MAST2: variants seen among roughly 807,000 people sequenced by gnomAD.
The protein encoded by MAST2 is microtubule associated serine/threonine kinase 2.
In MAST2, 70 loss-of-function variants were observed where a neutral mutation model predicts 147.4. The observed-to-expected ratio is 0.47, with a 90% confidence interval of 0.39 to 0.58. The LOEUF is 0.58. MAST2 is among the 20% of genes least tolerant of loss of function. MAST2 has a pLI of 0.00. For synonymous variants in MAST2, 869 were observed against 896.8 expected (o/e 0.97, Z 0.55); for missense variants, 2,080 against 2,302.3 (o/e 0.90, Z 1.98).
chr1:46,034,443 C>T, intron 28 of MAST2, 95 bp from the exon 29 acceptor site: 1 of 1,382,956 alleles, frequency 7.2e-7, no homozygotes, highest in Non-Finnish European at 9.9e-7. Context: ...GTTTCTGGGA[C>T]ATAACAGGGC....
At position 45,888,663 on chromosome 1, in the gene MAST2, C is replaced by CTTTTT. The variant is rs71587722; in HGVS notation, c.500+6300_500+6304dup. Among the ~76,000 whole-genome samples the CTTTTT allele has an allele frequency of 4.9e-4, 24 of 48,718 alleles. 1 individual carries two copies. Among genetic ancestry groups the CTTTTT allele is most frequent in the East Asian group, 1.8e-3 (3 of 1,708 alleles). 32.0% of individuals were successfully genotyped at this position (48,718 alleles called of 152,430 possible). ...AGGCGTGAGCCACCGCGCGCGGCCT[C>CTTTTT]TTTTTTTTTTTTTTTTTTTTTTTTT... On this transcript the variant is annotated intron_variant, in intron 4 of 28. Transcript: ENST00000361297.
chr1:45,908,673 T>G (rs1651169447), intron 4 of MAST2, among the ~76,000 whole-genome samples: 1 of 152,230 alleles, frequency 6.6e-6, no homozygotes. Flanking sequence ...TTGAAATTTC[T>G]TGAGACTTTT....
At chr1:45,911,009 AT>A (rs1467816297) in intron 4 of MAST2, among the ~76,000 whole-genome samples, 1 of 152,124 alleles carries the variant, frequency 6.6e-6, no homozygotes, top group Non-Finnish European at 1.5e-5. Context: ...TCTTTAATTA[AT>A]TTGTTTTGTG....
intron 5 of MAST2, among the ~76,000 whole-genome samples, chr1:45,970,985 A>G (rs1015769706): frequency 2.6e-5 from 4 of 152,172 alleles, no homozygotes; most frequent in Non-Finnish European, 4.4e-5. Flanking sequence ...TGAATATTGC[A>G]TCAGTCTAGG....
chr1:45,998,098 G>A (rs1645130430), intron 6 of MAST2, among the ~76,000 whole-genome samples: 2 of 152,030 alleles, frequency 1.3e-5, no homozygotes, highest in Non-Finnish European at 2.9e-5. Context: ...GATGTCCTAC[G>A]GGTATGTTCC....
intron 4 of MAST2, among the ~76,000 whole-genome samples, chr1:45,953,046 G>GGA (rs1409049173): frequency 4.6e-5 from 7 of 152,110 alleles, no homozygotes; most frequent in African/African-American, 1.7e-4. Context: ...AAAGGGAGTG[G>GGA]GAGGATTGGA....
rs185835920 is a variant in MAST2 at position 46,001,815 on chromosome 1, C to T, written c.669-990C>T. Among the ~76,000 whole-genome samples the T allele has an allele frequency of 3.3e-5, 5 of 152,278 alleles. No individual in the cohort carries two copies. The East Asian group carries it at 9.7e-4, about 29-fold the overall frequency. Reference sequence around the variant, plus strand: ...TTCTTCTCCCTGTCCCTGCCATAACCATGAAGCCTTGAACAAACCACCCAA... The same window carrying T: ...TTCTTCTCCCTGTCCCTGCCATAACTATGAAGCCTTGAACAAACCACCCAA... On this transcript the variant is annotated intron_variant, in intron 6 of 28. Coordinates refer to ENST00000361297, the MANE Select transcript of MAST2 (RefSeq NM_015112.3).
intron 4 of MAST2, among the ~76,000 whole-genome samples, chr1:45,906,145 CT>C (rs1650684028): frequency 6.6e-6 from 1 of 152,060 alleles, no homozygotes; most frequent in African/African-American, 2.4e-5. Flanking sequence ...TAAAAAATTA[CT>C]GAGTTGTACA....
rs60802520 is a variant in MAST2 at position 45,975,495 on chromosome 1, CA to C, written c.592+16044del. 7.3e-3 allele frequency among the ~76,000 whole-genome samples: 293 copies of C among 40,400 alleles called. 36 individuals are homozygous for C. The highest frequency in any genetic ancestry group is 0.026 in the African/African-American group (269 of 10,230). The allele number at this position is 40,400 out of a possible 152,430, so 26.5% of individuals were successfully genotyped here. On this transcript the variant is annotated intron_variant, in intron 5 of 28. Transcript: ENST00000361297. ...GCAATATAGTGAGTCCCTGTCTCTCCAAAAAAAAAAAAAAAAAAAAAAAAAA... is the reference window on the plus strand; with the variant it reads ...GCAATATAGTGAGTCCCTGTCTCTCCAAAAAAAAAAAAAAAAAAAAAAAAA...
intron 4 of MAST2, among the ~76,000 whole-genome samples, chr1:45,905,506 C>T (rs1650542412): frequency 6.6e-6 from 1 of 152,130 alleles, no homozygotes; most frequent in African/African-American, 2.4e-5. Context: ...CGGCTGTGCG[C>T]GGTGGCTCAC....
chr1:45,978,077 C>A (rs1052795389), intron 5 of MAST2, among the ~76,000 whole-genome samples: 1 of 151,482 alleles, frequency 6.6e-6, no homozygotes, highest in Non-Finnish European at 1.5e-5. Context: ...AAACAAAAAC[C>A]ACACAAAAAA....
intron 4 of MAST2, among the ~76,000 whole-genome samples, chr1:45,927,386 T>A (rs1413995674): frequency 6.6e-6 from 1 of 152,068 alleles, no homozygotes; most frequent in Non-Finnish European, 1.5e-5. Context: ...GAGACTGGGG[T>A]CTATTTCACC....
intron 4 of MAST2, among the ~76,000 whole-genome samples, chr1:45,926,158 G>A (rs944220454): frequency 3.3e-5 from 5 of 152,104 alleles, no homozygotes; most frequent in African/African-American, 4.8e-5. Context: ...GTGGTGGTAG[G>A]CAGATTACTT....
chr1:45,887,369 A>G lies in MAST2; in HGVS notation c.500+4974A>G, dbSNP rs971668490. ...GAGGTAGCTGTTGGTTGCATTCATC[A>G]TGGGGTATGTGTATATGTGTGTGTT... On this transcript the variant is annotated intron_variant, in intron 4 of 28. Transcript: ENST00000361297. 5.9e-5 allele frequency among the ~76,000 whole-genome samples: 9 copies of G among 152,190 alleles called. No homozygotes were observed. In the South Asian group the frequency reaches 6.2e-4, roughly 10 times the overall value.
chr1:45,945,205 G>T (rs764487426), intron 4 of MAST2, among the ~76,000 whole-genome samples: 4 of 152,196 alleles, frequency 2.6e-5, no homozygotes. Flanking sequence ...GGAGGCTGTG[G>T]TTGGAGGATC....
At chr1:45,930,161 C>T (rs1354256199) in intron 4 of MAST2, among the ~76,000 whole-genome samples, 1 of 152,168 alleles carries the variant, frequency 6.6e-6, no homozygotes, top group Non-Finnish European at 1.5e-5. Flanking sequence ...CTCACTGCAT[C>T]CTCCGCCTCC....
At chr1:45,812,181 G>C (rs919150748) in intron 1 of MAST2, among the ~76,000 whole-genome samples, 2 of 152,148 alleles carry the variant, frequency 1.3e-5, no homozygotes, top group African/African-American at 4.8e-5. Flanking sequence ...AATCTTCCGA[G>C]TTTTCAGTGC....
At chr1:45,903,072 G>A (rs966175548) in intron 4 of MAST2, among the ~76,000 whole-genome samples, 3 of 136,988 alleles carry the variant, frequency 2.2e-5, no homozygotes, top group African/African-American at 8.2e-5. Context: ...ATGTTAGGTT[G>A]TTAATTGAGA....
At chr1:46,024,099 C>G in intron 15 of MAST2, 119 bp downstream of exon 15, 1 of 965,108 alleles carries the variant, frequency 1.0e-6, no homozygotes. Flanking sequence ...TCCAGTCCAC[C>G]TTTGGCATTG....
Sources: gnomAD v4.1 joint callset for allele counts (sites outside exome capture counted in the v4.1 genomes callset) on GRCh38, gnomAD v4.1.1 for gene constraint, MANE v1.5 for transcripts, NCBI Gene and HGNC (gene_info 2026-07-23, HGNC 2026-07-21) for gene names.